The following ADCY8 variants were observed in gnomAD, a reference collection of about 807,000 sequenced individuals.
ADCY8 encodes adenylate cyclase type 8.
Under a neutral mutation model 119.7 loss-of-function variants are expected in ADCY8, and 51 were observed. That is an observed-to-expected ratio of 0.43 (90% CI 0.34 to 0.54). ADCY8 has a LOEUF of 0.54. Among genes scored for constraint, ADCY8 ranks in the 20% least tolerant of loss-of-function variants. The pLI, the probability that ADCY8 is intolerant of heterozygous loss-of-function variation, is 0.03. For missense variants in ADCY8, 1,383 were observed against 1,598.8 expected (o/e 0.87, Z 2.30); for synonymous variants, 665 against 651.0 (o/e 1.02, Z -0.33).
intron 5 of ADCY8, among the ~76,000 whole-genome samples, chr8:130,933,577 C>A (rs1446291298): frequency 6.6e-6 from 1 of 152,170 alleles, no homozygotes; most frequent in African/African-American, 2.4e-5. Flanking sequence ...TACTGGACCT[C>A]ATGTTACTTA....
At chr8:131,004,323 T>G (rs538529721) in intron 1 of ADCY8, among the ~76,000 whole-genome samples, 1 of 152,276 alleles carries the variant, frequency 6.6e-6, no homozygotes, top group African/African-American at 2.4e-5. Flanking sequence ...CCCCTGGAAG[T>G]CTCACATGTA....
intron 1 of ADCY8, among the ~76,000 whole-genome samples, chr8:130,996,257 T>A (rs1822771011): frequency 6.6e-6 from 1 of 152,140 alleles, no homozygotes; most frequent in African/African-American, 2.4e-5. Flanking sequence ...TATATATGCA[T>A]GACTTAAGAT....
intron 1 of ADCY8, among the ~76,000 whole-genome samples, chr8:131,001,936 C>A (rs908905332): frequency 1.3e-5 from 2 of 152,102 alleles, no homozygotes; most frequent in African/African-American, 4.8e-5. Flanking sequence ...GACAGAGTGG[C>A]CTTCAGTCCT....
intron 8 of ADCY8, among the ~76,000 whole-genome samples, chr8:130,880,278 A>G (rs183366236): frequency 2.0e-5 from 3 of 152,334 alleles, no homozygotes; most frequent in Admixed American, 1.3e-4. Context: ...GACAGATGCC[A>G]GAATGGTAAC....
At chr8:131,006,515 A>G (rs1260327308) in intron 1 of ADCY8, among the ~76,000 whole-genome samples, 1 of 152,172 alleles carries the variant, frequency 6.6e-6, no homozygotes, top group Non-Finnish European at 1.5e-5. Flanking sequence ...ATGACTTACT[A>G]TTATTAATAA....
chr8:130,929,127 TTTTG>T (rs1407234926), intron 5 of ADCY8, among the ~76,000 whole-genome samples: 4 of 152,090 alleles, frequency 2.6e-5, no homozygotes, highest in Non-Finnish European at 4.4e-5. Context: ...CAACTCTTGG[TTTTG>T]TTTATTTTTT....
chr8:130,941,618 C>G (rs1034392599), intron 4 of ADCY8, among the ~76,000 whole-genome samples: 2 of 152,170 alleles, frequency 1.3e-5, no homozygotes, highest in Non-Finnish European at 2.9e-5. Context: ...AAAACCAACC[C>G]TCCTATTAGG....
intron 7 of ADCY8, among the ~76,000 whole-genome samples, chr8:130,886,982 GT>G (rs35140717): frequency 1.5e-4 from 23 of 149,186 alleles, no homozygotes; most frequent in East Asian, 3.9e-4. Flanking sequence ...AAGAAAGGGC[GT>G]TTTTTTTTTC....
intron 12 of ADCY8, among the ~76,000 whole-genome samples, chr8:130,834,010 T>C (rs894539088): frequency 2.0e-5 from 3 of 152,192 alleles, no homozygotes; most frequent in Admixed American, 6.5e-5. Context: ...TAGCAATGTA[T>C]TGTATACTTG....
intron 2 of ADCY8, among the ~76,000 whole-genome samples, chr8:130,979,125 GAATACTTTGGAAGAGCTACAAGAGCATAA>G (rs1169096273): frequency 6.6e-6 from 1 of 152,126 alleles, no homozygotes; most frequent in Non-Finnish European, 1.5e-5. Flanking sequence ...GGAGCCTTTA[GAATACTTTGGAAGAGCTACAAGAGCATAA>G]AATCCCATGT....
intron 15 of ADCY8, 72 bp from the exon 16 acceptor site, chr8:130,785,547 GC>G: frequency 1.8e-6 from 2 of 1,132,230 alleles, no homozygotes; most frequent in South Asian, 1.6e-5. Context: ...CTGAAAACAG[GC>G]CCCTGGCTCA....
At chr8:130,789,961 A>C (rs1353308720) in intron 15 of ADCY8, among the ~76,000 whole-genome samples, 3 of 152,206 alleles carry the variant, frequency 2.0e-5, no homozygotes, top group Non-Finnish European at 4.4e-5. Flanking sequence ...ACCACTTTAA[A>C]GGAAGAGGAT....
chr8:130,926,527 CAT>C (rs1199240414), intron 5 of ADCY8, among the ~76,000 whole-genome samples: 2 of 152,126 alleles, frequency 1.3e-5, no homozygotes, highest in Non-Finnish European at 2.9e-5. Flanking sequence ...AGATTTGAAA[CAT>C]ATATACATTG....
In ADCY8 at chr8:130,977,140, C is replaced by CT. The variant is rs550769363; in HGVS notation, c.1110+13252dup. The stretch of plus-strand genomic sequence containing the variant: ...TATCTCCTCACATTGCCTGGAGAAA[C>CT]TGCCCGGGTCGGGTGTGAGCGCATG... On this transcript the variant is annotated intron_variant, in intron 2 of 17. Transcript: ENST00000286355. 9.2e-5 allele frequency among the ~76,000 whole-genome samples: 14 copies of CT among 152,302 alleles called. No individual in the cohort carries two copies. The East Asian group carries it at 2.7e-3, about 29-fold the overall frequency.
chr8:130,899,946 A>G (rs554327070), intron 7 of ADCY8, among the ~76,000 whole-genome samples: 19 of 152,242 alleles, frequency 1.2e-4, no homozygotes, highest in Admixed American at 1.2e-3. Flanking sequence ...ATCTACTTCA[A>G]TCATCTCCTT....
chr8:130,874,985 A>G (rs1818507347), intron 8 of ADCY8, among the ~76,000 whole-genome samples: 1 of 152,168 alleles, frequency 6.6e-6, no homozygotes, highest in African/African-American at 2.4e-5. Context: ...TGCTTCAGTG[A>G]CCAGGTCAAT....
At chr8:130,856,428 C>T (rs371242364) in intron 9 of ADCY8, among the ~76,000 whole-genome samples, 2 of 152,090 alleles carry the variant, frequency 1.3e-5, no homozygotes, top group Non-Finnish European at 2.9e-5. Context: ...GCAACAGACA[C>T]GGCCGGGCCC....
intron 1 of ADCY8, among the ~76,000 whole-genome samples, chr8:131,011,694 G>C (rs573797984): frequency 6.6e-6 from 1 of 152,272 alleles, no homozygotes; most frequent in Non-Finnish European, 1.5e-5. Flanking sequence ...GAATACTGTA[G>C]GTTCCTCCAG....
chr8:130,791,315 G>A (rs1291490284), intron 15 of ADCY8, among the ~76,000 whole-genome samples: 1 of 152,164 alleles, frequency 6.6e-6, no homozygotes, highest in African/African-American at 2.4e-5. Flanking sequence ...GTGGGCCTCG[G>A]CCCTCACCAG....
Sources: allele counts gnomAD v4.1 joint callset (sites outside exome capture counted in the v4.1 genomes callset), GRCh38; gene constraint gnomAD v4.1.1; transcripts MANE v1.5; gene names NCBI Gene and HGNC (gene_info 2026-07-23, HGNC 2026-07-21).